Variants in SF3A2 observed in about 807,000 individuals in gnomAD.
SF3A2 encodes splicing factor 3a subunit 2.
A neutral mutation model predicts 31.1 loss-of-function variants in SF3A2; 5 were observed. The ratio of observed to expected loss-of-function variants is 0.16; its 90% CI spans 0.08 to 0.34. SF3A2 has a LOEUF of 0.34. SF3A2 is among the 10% of genes least tolerant of loss of function. The pLI is 1.00. For synonymous variants in SF3A2, 365 were observed against 263.7 expected, an observed-to-expected ratio of 1.38 and a Z score of -3.72; for missense variants, 577 against 643.9, an observed-to-expected ratio of 0.90 and a Z score of 1.13.
At chr19:2,241,421 C>T (rs904119084) in intron 1 of SF3A2, among the ~76,000 whole-genome samples, 4 of 152,186 alleles carry the variant, frequency 2.6e-5, no homozygotes, top group African/African-American at 7.2e-5. Context: ...GGGCTCCCCA[C>T]GCACGTCCCC....
At position 2,248,262 on chromosome 19, in the gene SF3A2, G is replaced by A; in HGVS notation, c.1111G>A (p.Gly371Arg). 4.2e-6 allele frequency: 6 copies of A among 1,414,586 alleles called. No homozygotes were observed. The highest frequency in any genetic ancestry group is 5.5e-6 in the Non-Finnish European group (6 of 1,084,940). The allele number at this position is 1,414,586 out of a possible 1,614,324, so 87.6% of individuals were successfully genotyped here. A position where few individuals can be genotyped will look rare whatever the true frequency, so the allele number is the denominator to read the frequency against. Residue 371 changes from glycine to arginine, a missense_variant, in exon 9 of 9, where the codon GGG becomes AGG. Transcript: ENST00000221494. ...APGVHPPPSA[G>R]VHPQAPGVHP... is the part of the protein sequence containing the mutation. ...AGGGGTCCATCCTCCCCCATCAGCGGGGGTTCACCCCCAGGCCCCGGGGGT... is the reference window on the plus strand; with the variant it reads ...AGGGGTCCATCCTCCCCCATCAGCGAGGGTTCACCCCCAGGCCCCGGGGGT...
chr19:2,248,238 G>C lies in SF3A2; in HGVS notation c.1087G>C (p.Gly363Arg). The change falls in exon 9 of 9, where the codon GGG becomes CGG. Residue 363 changes from glycine to arginine, a missense_variant. By Grantham distance (125) the Gly-to-Arg change is moderately radical. Around this residue, in one of 6 missense-constraint regions of SF3A2, gnomAD observed 462 missense variants for 339.1 expected, o/e 1.36. Transcript: ENST00000221494. ...PAPGVHPPAPGVHPPPSAGVH... is the reference protein window; with the variant it reads ...PAPGVHPPAPRVHPPPSAGVH... ...CCCTGGGGTTCACCCACCAGCCCCA[G>C]GGGTCCATCCTCCCCCATCAGCGGG... 1 of 1,381,162 alleles carries C rather than the reference G, an allele frequency of 7.2e-7. No individual in the cohort carries two copies. The highest frequency in any genetic ancestry group is 9.4e-7 in the Non-Finnish European group (1 of 1,061,894). The allele number at this position is 1,381,162 out of a possible 1,614,324, so 85.6% of individuals were successfully genotyped here. A position where few individuals can be genotyped will look rare whatever the true frequency, so the allele number is the denominator to read the frequency against.
intron 1 of SF3A2, among the ~76,000 whole-genome samples, chr19:2,240,466 G>A (rs1207967454): frequency 3.3e-5 from 5 of 152,158 alleles, no homozygotes; most frequent in African/African-American, 4.8e-5. Context: ...GGGACAGTGT[G>A]GGTGTTCGGT....
intron 2 of SF3A2, 147 bp downstream of exon 2, chr19:2,243,691 A>T (rs1186771694): frequency 1.1e-6 from 1 of 913,660 alleles, no homozygotes; most frequent in Non-Finnish European, 1.5e-6. Flanking sequence ...GCCCCCGAGC[A>T]GCCACAGCTC....
At position 2,246,901 on chromosome 19, in the gene SF3A2, C is replaced by T; in HGVS notation, c.425C>T (p.Ala142Val). The T allele has an allele frequency of 1.2e-6, 2 of 1,610,152 alleles. No individual in the cohort carries two copies. The highest frequency in any genetic ancestry group is 1.1e-5 in the South Asian group (1 of 90,880). ...CTGCAGATTGACTACCCTGAGATCG[C>T]CGAGGGCATCATGCCACGTCACCGC... The part of the protein sequence containing the change: ...LLFQIDYPEI[A>V]EGIMPRHRFM... The change falls in exon 7 of 9, where the codon GCC becomes GTC. Residue 142 changes from alanine (A) to valine (V), a missense_variant. Ala to Val is a moderately conservative substitution (Grantham distance 64, BLOSUM62 0). Transcript: ENST00000221494. The surrounding 1 kb of genome is among the most constrained non-coding windows in gnomAD (Gnocchi z 5.5).
intron 1 of SF3A2, 23 bp from the exon 2 acceptor site, chr19:2,243,359 C>A: frequency 1.4e-6 from 2 of 1,467,022 alleles, no homozygotes; most frequent in East Asian, 5.4e-5. Flanking sequence ...CCATCTTCCT[C>A]ACTCTCCTCT....
In SF3A2 at chr19:2,245,320, C is replaced by A; in HGVS notation, c.246-126C>A. On this transcript the variant is annotated intron_variant, in intron 4 of 8. Transcript: ENST00000221494. This position sits in a 1 kb window ranked among gnomAD's most constrained non-coding sequence, Gnocchi z 4.2. ...GCCAAACCCCAGGGCCCCTCCCAGG[C>A]CCCTGGCCCTCCTCATCTCTCAGCT... 1 of 675,486 alleles carries A rather than the reference C, an allele frequency of 1.5e-6. No individual in the cohort carries two copies. Among genetic ancestry groups the A allele is most frequent in the Non-Finnish European group, 2.6e-6 (1 of 390,242 alleles). The allele number at this position is 675,486 out of a possible 1,614,324, so 41.8% of individuals were successfully genotyped here.
chr19:2,248,411 G>A lies in SF3A2; in HGVS notation c.1260G>A (p.Gly420=). The A allele has an allele frequency of 1.4e-6, 2 of 1,380,024 alleles. No homozygotes were observed. The highest frequency in any genetic ancestry group is 1.9e-6 in the Non-Finnish European group (2 of 1,070,444). The allele number at this position is 1,380,024 out of a possible 1,614,324, so 85.5% of individuals were successfully genotyped here. The change falls in exon 9 of 9, where the codon GGG becomes GGA. Residue 420 remains glycine, a synonymous_variant. Coordinates refer to ENST00000221494, the MANE Select transcript of SF3A2 (RefSeq NM_007165.5). ...CCGGGGTCCATCCGTCGGCTCCTGG[G>A]GTCCACCCTCAGCCTCCGGGAGTTC... is the stretch of plus-strand genomic sequence containing the variant. ...QPPGVHPSAP[G]VHPQPPGVHP...
intron 7 of SF3A2, 26 bp downstream of exon 7, chr19:2,247,048 G>C: frequency 1.3e-6 from 2 of 1,591,004 alleles, no homozygotes; most frequent in Non-Finnish European, 1.7e-6. Context: ...GGTTCCCTGG[G>C]CCCCCTTGAG....
At chr19:2,247,545 C>T (rs1353751913) in intron 7 of SF3A2, 49 bp from the exon 8 acceptor site, 1 of 1,596,418 alleles carries the variant, frequency 6.3e-7, no homozygotes, top group East Asian at 2.2e-5. Context: ...CTGATGGTCG[C>T]CCTGAGGTCA....
chr19:2,247,400 C>T (rs1599654647), intron 7 of SF3A2, among the ~76,000 whole-genome samples, 194 bp from the exon 8 acceptor site: 1 of 152,192 alleles, frequency 6.6e-6, no homozygotes, highest in Admixed American at 6.5e-5. Context: ...AGGGGGCCAA[C>T]AGCGTGCTAG....
chr19:2,238,929 T>C (rs2024864665), intron 1 of SF3A2, among the ~76,000 whole-genome samples: 1 of 152,204 alleles, frequency 6.6e-6, no homozygotes, highest in Non-Finnish European at 1.5e-5. Context: ...CCCTTCATGC[T>C]GTCCGAGCAA....
chr19:2,245,677 T>C lies in SF3A2; in HGVS notation c.355+122T>C. 1.3e-6 allele frequency: 1 copy of C among 754,484 alleles called. No individual in the cohort carries two copies. Among genetic ancestry groups the C allele is most frequent in the East Asian group, 2.7e-5 (1 of 36,924 alleles). 46.7% of individuals were successfully genotyped at this position (754,484 alleles called of 1,614,324 possible). A position where few individuals can be genotyped will look rare whatever the true frequency, so the allele number is the denominator to read the frequency against. ...TCCCTGAGCCACTGTTTTCCGGCCT[T>C]GGTGGCCGTCCCTCACCCACCTGCA... is the stretch of plus-strand genomic sequence containing the variant. On this transcript the variant is annotated intron_variant, in intron 5 of 8. Transcript: ENST00000221494. The surrounding 1 kb of genome is among the most constrained non-coding windows in gnomAD (Gnocchi z 4.2).
At chr19:2,244,436 G>A in intron 2 of SF3A2, 108 bp from the exon 3 acceptor site, 5 of 821,386 alleles carry the variant, frequency 6.1e-6, no homozygotes, top group Non-Finnish European at 8.1e-6. Context: ...TCTACAGAAG[G>A]GGGGTTCTGC....
At chr19:2,239,258 G>C (rs986038460) in intron 1 of SF3A2, among the ~76,000 whole-genome samples, 4 of 151,826 alleles carry the variant, frequency 2.6e-5, no homozygotes, top group Non-Finnish European at 5.9e-5. Context: ...TCAGCTACTC[G>C]GGAGGCTAAG....
rs1173048154 is a variant in SF3A2, at chr19:2,247,662, G to A, written c.615G>A (p.Gln205=). The A allele has an allele frequency of 1.2e-6, 2 of 1,613,324 alleles. No individual in the cohort carries two copies. The highest frequency in any genetic ancestry group is 1.7e-6 in the Non-Finnish European group (2 of 1,179,736). The change falls in exon 8 of 9, where the codon CAG becomes CAA. Residue 205 remains glutamine, a splice_region_variant and synonymous_variant. Transcript: ENST00000221494. ...FWTHWNRETK[Q]FFLQFHFKME... ...CACACTGGAACCGGGAGACCAAGCA[G>A]GTGAGTGGCTCGCCCCGAGCCTGGC... is the stretch of plus-strand genomic sequence containing the variant.
chr19:2,247,763 C>T lies in SF3A2; in HGVS notation c.616-4C>T. On this transcript the variant is annotated splice_region_variant and splice_polypyrimidine_tract_variant and intron_variant, in intron 8 of 8. Coordinates refer to ENST00000221494, the MANE Select transcript of SF3A2 (RefSeq NM_007165.5). ...GCCTGCTGAACCTTTCTCCGTCTCTCTAGTTCTTCCTCCAGTTCCACTTTA... is the reference window on the plus strand; with the variant it reads ...GCCTGCTGAACCTTTCTCCGTCTCTTTAGTTCTTCCTCCAGTTCCACTTTA... 2 of 1,612,050 alleles carry T rather than the reference C, an allele frequency of 1.2e-6. No individual in the cohort carries two copies. Among genetic ancestry groups the T allele is most frequent in the African/African-American group, 1.3e-5 (1 of 74,956 alleles).
chr19:2,240,976 TCTCTC>T (rs2024883881), intron 1 of SF3A2, among the ~76,000 whole-genome samples: 2 of 152,100 alleles, frequency 1.3e-5, no homozygotes, highest in South Asian at 4.1e-4. Context: ...CCACTGCTCT[TCTCTC>T]TGCCAGAAGC....
rs529943983 is a variant in SF3A2 at position 2,245,123 on chromosome 19, G to T, written c.246-323G>T. The T allele has an allele frequency of 2.3e-4, 114 of 501,804 alleles. No individual in the cohort carries two copies. The South Asian group carries it at 2.8e-3, about 12-fold the overall frequency. The allele number at this position is 501,804 out of a possible 1,614,324, so 31.1% of individuals were successfully genotyped here. A position where few individuals can be genotyped will look rare whatever the true frequency, so the allele number is the denominator to read the frequency against. ...ATCTTGAATCTGGGAGGCAGAGATT[G>T]CAGTGAACCAAGGTGCTGCCACTGT... On this transcript the variant is annotated intron_variant, in intron 4 of 8. Coordinates refer to ENST00000221494, the MANE Select transcript of SF3A2 (RefSeq NM_007165.5). The surrounding 1 kb of genome is among the most constrained non-coding windows in gnomAD (Gnocchi z 4.2).
Sources: gnomAD v4.1 joint callset for allele counts (sites outside exome capture counted in the v4.1 genomes callset) on GRCh38, gnomAD v4.1.1 for gene constraint, gnomAD v4.1.1 regional missense constraint, Gnocchi (gnomAD v3.1) non-coding constraint, MANE v1.5 for transcripts, NCBI Gene and HGNC (gene_info 2026-07-23, HGNC 2026-07-21) for gene names.